B3GALT1: variants seen among roughly 807,000 people sequenced by gnomAD.
B3GALT1 encodes UDP-Gal:betaGlcNAc beta 1,3-galactosyltransferase, polypeptide 1.
B3GALT1 carries 10 observed loss-of-function variants against 23.2 expected under a neutral mutation model. The ratio of observed to expected loss-of-function variants is 0.43; its 90% CI spans 0.27 to 0.73. The LOEUF is 0.73. Among genes scored for constraint, B3GALT1 ranks in the 30% least tolerant of loss-of-function variants. The pLI is 0.21. For synonymous variants in B3GALT1, 156 were observed against 141.5 expected (o/e 1.10, Z -0.73); for missense variants, 299 against 405.4 (o/e 0.74, Z 2.25).
intron 2 of B3GALT1, among the ~76,000 whole-genome samples, chr2:167,629,363 G>T (rs1685400255): frequency 6.6e-6 from 1 of 151,658 alleles, no homozygotes; most frequent in African/African-American, 2.4e-5. Flanking sequence ...ATTTTCCCTT[G>T]TTTTAATTTT....
chr2:167,533,004 G>A (rs888488722), intron 2 of B3GALT1, among the ~76,000 whole-genome samples: 1 of 151,978 alleles, frequency 6.6e-6, no homozygotes, highest in African/African-American at 2.4e-5. Context: ...TGAGATTATA[G>A]GCATGCGCCA....
intron 3 of B3GALT1, chr2:167,715,153 G>A (rs12994037): frequency 6.2e-7 from 1 of 1,613,890 alleles, no homozygotes; most frequent in East Asian, 2.2e-5. Flanking sequence ...GATCATCTAA[G>A]TAAGCACCAT....
intron 4 of B3GALT1, among the ~76,000 whole-genome samples, chr2:167,865,298 A>G (rs1182553334): frequency 6.6e-6 from 1 of 152,150 alleles, no homozygotes; most frequent in Non-Finnish European, 1.5e-5. Flanking sequence ...AATCCCAGCT[A>G]CTCAGGAAGC....
At chr2:167,341,107 A>G (rs1333869316) in intron 1 of B3GALT1, among the ~76,000 whole-genome samples, 2 of 152,236 alleles carry the variant, frequency 1.3e-5, no homozygotes, top group Non-Finnish European at 2.9e-5. Flanking sequence ...TTGAAACAGG[A>G]TATTAGAAGA....
chr2:167,561,478 A>T (rs1683986826), intron 2 of B3GALT1, among the ~76,000 whole-genome samples: 1 of 152,050 alleles, frequency 6.6e-6, no homozygotes, highest in Non-Finnish European at 1.5e-5. Flanking sequence ...AAGGAAATAG[A>T]GACACAAAAA....
intron 1 of B3GALT1, among the ~76,000 whole-genome samples, chr2:167,342,357 G>A (rs1298387702): frequency 6.6e-6 from 1 of 152,124 alleles, no homozygotes; most frequent in Non-Finnish European, 1.5e-5. Flanking sequence ...GGATGCAGAG[G>A]TGGGTGGATC....
chr2:167,776,443 T>G (rs1688163830), intron 3 of B3GALT1, among the ~76,000 whole-genome samples: 1 of 152,166 alleles, frequency 6.6e-6, no homozygotes, highest in Non-Finnish European at 1.5e-5. Flanking sequence ...CTCTAAAGTA[T>G]GAAAGACAGA....
At chr2:167,486,166 C>T (rs1394276374) in intron 1 of B3GALT1, among the ~76,000 whole-genome samples, 1 of 152,134 alleles carries the variant, frequency 6.6e-6, no homozygotes, top group Non-Finnish European at 1.5e-5. Flanking sequence ...CAAGACCATC[C>T]TGGCCAACAT....
chr2:167,375,505 A>G (rs1458228098), intron 1 of B3GALT1, among the ~76,000 whole-genome samples: 1 of 151,952 alleles, frequency 6.6e-6, no homozygotes, highest in Admixed American at 6.6e-5. Flanking sequence ...TGTTTCATCT[A>G]TGATTTCCTT....
In B3GALT1 at chr2:167,816,508, A is replaced by G. The variant is rs550520248; in HGVS notation, c.-351-2164A>G. Among the ~76,000 whole-genome samples, 317 of 152,158 alleles carry G rather than the reference A, an allele frequency of 2.1e-3. 1 individual carries two copies. Among genetic ancestry groups the G allele is most frequent in the African/African-American group, 7.5e-3 (310 of 41,514 alleles). ...TGAATGCTATGATGACTATAATAAT[A>G]CCTAGGATAGGGTCTGTCTCATGAC... On this transcript the variant is annotated intron_variant, in intron 3 of 4. Transcript: ENST00000392690.
At chr2:167,668,653 T>C (rs902114124) in intron 3 of B3GALT1, among the ~76,000 whole-genome samples, 1 of 152,170 alleles carries the variant, frequency 6.6e-6, no homozygotes, top group African/African-American at 2.4e-5. Context: ...AATCTCCTGG[T>C]GCGCCGTTTT....
chr2:167,533,678 A>G (rs1434178638), intron 2 of B3GALT1, among the ~76,000 whole-genome samples: 1 of 152,132 alleles, frequency 6.6e-6, no homozygotes, highest in East Asian at 1.9e-4. Context: ...AACCACTCTA[A>G]TTGGACATTA....
chr2:167,378,021 A>G (rs1224449950), intron 1 of B3GALT1, among the ~76,000 whole-genome samples: 1 of 152,188 alleles, frequency 6.6e-6, no homozygotes, highest in East Asian at 1.9e-4. Context: ...TATGTTGGTA[A>G]TAAATACTGT....
At chr2:167,501,261 G>GT in intron 2 of B3GALT1, among the ~76,000 whole-genome samples, 1 of 151,748 alleles carries the variant, frequency 6.6e-6, no homozygotes, top group Non-Finnish European at 1.5e-5. Flanking sequence ...GGCAAAATTT[G>GT]TTTTTTTCTT....
At chr2:167,567,280 C>T (rs1419576215) in intron 2 of B3GALT1, among the ~76,000 whole-genome samples, 1 of 152,004 alleles carries the variant, frequency 6.6e-6, no homozygotes, top group Admixed American at 6.6e-5. Flanking sequence ...ATGACAATAC[C>T]TGATTATATT....
intron 2 of B3GALT1, among the ~76,000 whole-genome samples, chr2:167,497,068 A>G (rs1008523145): frequency 3.3e-5 from 5 of 152,174 alleles, no homozygotes; most frequent in Non-Finnish European, 5.9e-5. Context: ...AAAAAAGTAC[A>G]TTTCTGTTGC....
intron 4 of B3GALT1, among the ~76,000 whole-genome samples, chr2:167,836,595 AAC>A (rs1421371312): frequency 1.3e-5 from 2 of 152,138 alleles, no homozygotes. Context: ...CAAGTTGGAA[AAC>A]ACTCTGCAGG....
chr2:167,838,451 C>T (rs200064788), intron 4 of B3GALT1, among the ~76,000 whole-genome samples: 3 of 151,238 alleles, frequency 2.0e-5, no homozygotes, highest in Non-Finnish European at 3.0e-5. Context: ...TTCCTCAACA[C>T]ATACACTCTC....
intron 1 of B3GALT1, among the ~76,000 whole-genome samples, chr2:167,436,618 A>G (rs555939827): frequency 1.3e-5 from 2 of 152,314 alleles, no homozygotes; most frequent in Non-Finnish European, 2.9e-5. Context: ...TAGATCCTAG[A>G]ACAGTACATT....
Sources: allele counts gnomAD v4.1 joint callset (sites outside exome capture counted in the v4.1 genomes callset), GRCh38; gene constraint gnomAD v4.1.1; transcripts MANE v1.5; gene names NCBI Gene and HGNC (gene_info 2026-07-23, HGNC 2026-07-21).